Variants in GAA observed in about 807,000 individuals in gnomAD.
GAA encodes the protein alpha glucosidase.
A neutral mutation model predicts 103.9 loss-of-function variants in GAA; 88 were observed. The ratio of observed to expected loss-of-function variants is 0.85; its 90% CI spans 0.71 to 1.01. The LOEUF (loss-of-function observed/expected upper bound fraction) is 1.01. Ranked by LOEUF, GAA falls within the 50% of genes least tolerant of loss-of-function variation. GAA has a pLI of 0.00. For synonymous variants in GAA, 572 were observed against 563.1 expected (o/e 1.02, Z -0.22); for missense variants, 1,350 against 1,305.3 (o/e 1.03, Z -0.53).
chr17:80,111,916 G>T, intron 11 of GAA, 67 bp from the exon 12 acceptor site: 1 of 1,352,316 alleles, frequency 7.4e-7, no homozygotes. Flanking sequence ...GGAGGTGGGG[G>T]GCAGGGAGGG....
rs201183207 is a variant in GAA at position 80,117,746 on chromosome 17, G to A, written c.2478G>A (p.Leu826=). The change falls in exon 17 of 20, where the codon CTG becomes CTA. Residue 826 remains leucine, a synonymous_variant. Coordinates refer to ENST00000302262, the MANE Select transcript of GAA (RefSeq NM_000152.5). ...VHLRAGYIIP[L]QGPGLTTTES... is the part of the protein sequence containing the mutation. ...TCCGGGCTGGGTACATCATCCCCCTGCAGGTACCTGGGCCAGGCGGCTATG... is the reference window on the plus strand; with the variant it reads ...TCCGGGCTGGGTACATCATCCCCCTACAGGTACCTGGGCCAGGCGGCTATG... 318 of 1,608,308 alleles carry A rather than the reference G, an allele frequency of 2.0e-4. 3 individuals are homozygous for A. The East Asian group carries it at 6.4e-3, about 32-fold the overall frequency.
In GAA at chr17:80,117,012, T is replaced by C; in HGVS notation, c.2234T>C (p.Leu745Pro). The change falls in exon 16 of 20, where the codon CTG (leucine) becomes CCG (proline). Residue 745 changes from leucine to proline, a missense_variant. Leu to Pro is a moderately conservative substitution (Grantham distance 98). Coordinates refer to ENST00000302262, the MANE Select transcript of GAA (RefSeq NM_000152.5). ...SSTWTVDHQL[L>P]WGEALLITPV... is the part of the protein sequence containing the mutation. ...ACCTGGACTGTGGACCACCAGCTCC[T>C]GTGGGGGGAGGCCCTGCTCATCACC... 1 of 1,613,692 alleles carries C rather than the reference T, an allele frequency of 6.2e-7. No individual in the cohort carries two copies.
Position 80,118,347 on chromosome 17 carries a change from T to C in GAA, c.2636T>C (p.Leu879Pro), listed in dbSNP as rs1319326794. The C allele has an allele frequency of 6.4e-7, 1 of 1,562,034 alleles. No homozygotes were observed. The highest frequency in any genetic ancestry group is 1.2e-5 in the South Asian group (1 of 82,748). Residue 879 changes from leucine to proline, a missense_variant, in exon 18 of 20, where the codon CTG becomes CCG. By Grantham distance (98) the Leu-to-Pro change is moderately conservative. Coordinates refer to ENST00000302262, the MANE Select transcript of GAA (RefSeq NM_000152.5). Reference sequence around the variant, plus strand: ...GGGGCCTACACACAGGTCATCTTCCTGGCCAGGAATGTGAGTCCTGGGGCT... The same window carrying C: ...GGGGCCTACACACAGGTCATCTTCCCGGCCAGGAATGTGAGTCCTGGGGCT... ...ERGAYTQVIF[L>P]ARNNTIVNEL...
intron 15 of GAA, among the ~76,000 whole-genome samples, chr17:80,116,189 A>G (rs1463646952): frequency 6.6e-6 from 1 of 152,250 alleles, no homozygotes; most frequent in Non-Finnish European, 1.5e-5. Context: ...ATGAATTAGA[A>G]TACATTAGAG....
intron 19 of GAA, 69 bp from the exon 20 acceptor site, chr17:80,119,203 C>T: frequency 6.7e-6 from 10 of 1,485,858 alleles, no homozygotes; most frequent in Non-Finnish European, 9.4e-6. Context: ...ATGGAGCCGC[C>T]TTCTGAGCGC....
chr17:80,117,187 T>C, intron 16 of GAA, 78 bp downstream of exon 16: 1 of 1,497,050 alleles, frequency 6.7e-7, no homozygotes, highest in Non-Finnish European at 9.2e-7. Context: ...ACCCAGTTGG[T>C]GTGACCAGGT....
In GAA at chr17:80,105,129, C is replaced by T. The variant is rs1567826499; in HGVS notation, c.543C>T (p.Phe181=). The T allele has an allele frequency of 1.2e-6, 2 of 1,604,588 alleles. No individual in the cohort carries two copies. Among genetic ancestry groups the T allele is most frequent in the Middle Eastern group, 3.3e-4 (2 of 6,034 alleles). ...VMMETENRLH[F]TIKDPANRRY... ...TGGAGACTGAGAACCGCCTCCACTT[C>T]ACGGTGGGCAGGGCAGGGGCGGGGG... The change falls in exon 2 of 20, where the codon TTC becomes TTT. Residue 181 remains phenylalanine (F), a synonymous_variant. Coordinates refer to ENST00000302262, the MANE Select transcript of GAA (RefSeq NM_000152.5).
At chr17:80,111,137 A>C in intron 11 of GAA, 112 bp downstream of exon 11, 178 of 755,166 alleles carry the variant, frequency 2.4e-4, no homozygotes, top group East Asian at 6.8e-4. Context: ...CAGCGGGGAA[A>C]GGGGCGGGGG....
intron 18 of GAA, 122 bp from the exon 19 acceptor site, chr17:80,118,531 C>A: frequency 7.1e-7 from 1 of 1,406,818 alleles, no homozygotes; most frequent in Non-Finnish European, 1.0e-6. Context: ...CTTTCGTGTA[C>A]ACAGAGGGAG....
rs1178578401 is a variant in GAA at position 80,104,468 on chromosome 17, C to T, written c.-32-87C>T. 8.2e-6 allele frequency: 8 copies of T among 979,586 alleles called. No homozygotes were observed. In the Admixed American group the frequency reaches 1.3e-4, roughly 16 times the overall value. 60.7% of individuals were successfully genotyped at this position (979,586 alleles called of 1,614,324 possible). ...CCTGCCTGGGTGCTGCAGTGCCAGC[C>T]GCGGTTGATGTCTCAGAGCTGCTTT... On this transcript the variant is annotated intron_variant, in intron 1 of 19. Coordinates refer to ENST00000302262, the MANE Select transcript of GAA (RefSeq NM_000152.5). The surrounding 1 kb of genome is among the most constrained non-coding windows in gnomAD (Gnocchi z 4.0).
At position 80,112,695 on chromosome 17, in the gene GAA, C is replaced by T. The variant is rs373103422; in HGVS notation, c.1872C>T (p.Leu624=). ...ACGTGTGGAGCTCCTGGGAGCAGCT[C>T]GCCTCCTCCGTGCCAGGTGAGCTCC... ...TGDVWSSWEQ[L]ASSVPEILQF... Residue 624 remains leucine, a synonymous_variant, in exon 13 of 20, where the codon CTC becomes CTT. Transcript: ENST00000302262. The T allele has an allele frequency of 3.4e-5, 55 of 1,608,818 alleles. No homozygotes were observed. The highest frequency in any genetic ancestry group is 2.0e-4 in the African/African-American group (15 of 74,856).
chr17:80,113,430 G>T, intron 15 of GAA, 64 bp downstream of exon 15: 1 of 1,423,738 alleles, frequency 7.0e-7, no homozygotes, highest in Non-Finnish European at 9.4e-7. Flanking sequence ...GTAACTCCCA[G>T]GCAGCCCTGT....
intron 19 of GAA, 121 bp from the exon 20 acceptor site, chr17:80,119,151 C>A (rs1477916644): frequency 1.1e-5 from 11 of 1,030,198 alleles, no homozygotes; most frequent in South Asian, 3.8e-5. Context: ...GGAGCTGCCC[C>A]CTGAGCGCCG....
chr17:80,109,993 G>A lies in GAA; in HGVS notation c.1375G>A (p.Asp459Asn), dbSNP rs535644999. 2.8e-5 allele frequency: 45 copies of A among 1,613,316 alleles called. No individual in the cohort carries two copies. The highest frequency in any genetic ancestry group is 3.3e-4 in the Middle Eastern group (2 of 6,060). ...SGPAGSYRPY[D>N]EGLRRGVFIT... The stretch of plus-strand genomic sequence containing the variant: ...CCCTGCCGGGAGCTACAGGCCCTAC[G>A]ACGAGGGTCTGCGGAGGGGGGTTTT... Residue 459 changes from aspartate (D) to asparagine (N), a missense_variant, in exon 9 of 20, where the codon GAC becomes AAC. Transcript: ENST00000302262.
rs1240084900 is a variant in GAA at position 80,105,143 on chromosome 17, C to A, written c.546+11C>A. On this transcript the variant is annotated intron_variant, in intron 2 of 19. Transcript: ENST00000302262. The stretch of plus-strand genomic sequence containing the variant: ...CGCCTCCACTTCACGGTGGGCAGGG[C>A]AGGGGCGGGGGCGGCGGCCAGGGCA... 1 of 1,599,784 alleles carries A rather than the reference C, an allele frequency of 6.3e-7. No homozygotes were observed. The highest frequency in any genetic ancestry group is 1.7e-5 in the Admixed American group (1 of 59,908).
chr17:80,115,571 G>A (rs1324552638), intron 15 of GAA, among the ~76,000 whole-genome samples: 1 of 152,080 alleles, frequency 6.6e-6, no homozygotes, highest in Non-Finnish European at 1.5e-5. Context: ...CCAATGTCTG[G>A]GCTTCTCTAG....
chr17:80,108,184 TG>T (rs1282156266), intron 5 of GAA, 105 bp from the exon 6 acceptor site: 33 of 1,591,402 alleles, frequency 2.1e-5, no homozygotes, highest in Non-Finnish European at 2.8e-5. Context: ...GAGCTCCTCG[TG>T]GGGAGAGAGC....
At chr17:80,114,583 T>C (rs2039322194) in intron 15 of GAA, among the ~76,000 whole-genome samples, 1 of 152,196 alleles carries the variant, frequency 6.6e-6, no homozygotes, top group African/African-American at 2.4e-5. Flanking sequence ...CACGTCTGTA[T>C]CCATGATGAG....
intron 3 of GAA, among the ~76,000 whole-genome samples, chr17:80,106,337 A>G (rs1367103116): frequency 1.9e-5 from 1 of 51,500 alleles, no homozygotes; most frequent in Non-Finnish European, 5.3e-5. Context: ...ATGCAGACAC[A>G]GCGTCAGGGA....
Sources: gnomAD v4.1 joint callset for allele counts (sites outside exome capture counted in the v4.1 genomes callset) on GRCh38, gnomAD v4.1.1 for gene constraint, Gnocchi (gnomAD v3.1) non-coding constraint, MANE v1.5 for transcripts, NCBI Gene and HGNC (gene_info 2026-07-23, HGNC 2026-07-21) for gene names.